CD34: variants seen among roughly 807,000 people sequenced by gnomAD.
CD34 encodes CD34 molecule.
A neutral mutation model predicts 40.1 loss-of-function variants in CD34; 34 were observed. The observed-to-expected ratio is 0.85, with a 90% confidence interval of 0.65 to 1.13. The LOEUF (loss-of-function observed/expected upper bound fraction) is 1.13. Ranked by LOEUF, CD34 falls within the 50% of genes most tolerant of loss-of-function variation. CD34 has a pLI of 0.00. For missense variants in CD34, 426 were observed against 466.9 expected, an observed-to-expected ratio of 0.91 and a Z score of 0.81; for synonymous variants, 209 against 190.0, an observed-to-expected ratio of 1.10 and a Z score of -0.82.
Position 207,911,100 on chromosome 1 carries a change from G to C in CD34, c.-20C>G, listed in dbSNP as rs557658156. The C allele has an allele frequency of 1.3e-4, 199 of 1,561,910 alleles. No homozygotes were observed. In the African/African-American group the frequency reaches 2.5e-3, roughly 20 times the overall value. On this transcript the variant is annotated 5_prime_UTR_variant, in exon 1 of 8. Transcript: ENST00000310833. The stretch of plus-strand genomic sequence containing the variant: ...CAGCATCCTTCCCGCGCGGCTCCTA[G>C]AGAGACGCACCGAGTGGAAGACACT...
Position 207,887,498 on chromosome 1 carries a change from C to A in CD34, c.*240G>T. ...GAGCTTCTCCAGACCTTGGCTTTCC[C>A]CCGTCACACGTTTACCCAAAGAAGA... On this transcript the variant is annotated 3_prime_UTR_variant, in exon 8 of 8. Transcript: ENST00000310833. 1 of 541,974 alleles carries A rather than the reference C, an allele frequency of 1.8e-6. No individual in the cohort carries two copies. Among genetic ancestry groups the A allele is most frequent in the Non-Finnish European group, 3.2e-6 (1 of 309,806 alleles). The allele number at this position is 541,974 out of a possible 1,614,324, so 33.6% of individuals were successfully genotyped here. A position where few individuals can be genotyped will look rare whatever the true frequency, so the allele number is the denominator to read the frequency against.
rs1373764297 is a variant in CD34 at position 207,884,887 on chromosome 1, T to C, written c.*2851A>G. 1 of 151,990 alleles carries C rather than the reference T, an allele frequency of 6.6e-6. No individual in the cohort carries two copies. The highest frequency in any genetic ancestry group is 1.5e-5 in the Non-Finnish European group (1 of 68,012). 9.4% of individuals were successfully genotyped at this position (151,990 alleles called of 1,614,324 possible). ...TTGATGAAATGCTCCAGAAGTGAAG[T>C]CCCAAACCTATCTTCACACTGCCAC... On this transcript the variant is annotated 3_prime_UTR_variant, in exon 8 of 8. Transcript: ENST00000310833.
Position 207,888,545 on chromosome 1 carries a change from T to C in CD34, c.972+137A>G, listed in dbSNP as rs201272031. 2.8e-5 allele frequency: 24 copies of C among 845,460 alleles called. No individual in the cohort carries two copies. In the East Asian group the frequency reaches 5.3e-4, roughly 19 times the overall value. 52.4% of individuals were successfully genotyped at this position (845,460 alleles called of 1,614,324 possible). A position where few individuals can be genotyped will look rare whatever the true frequency, so the allele number is the denominator to read the frequency against. On this transcript the variant is annotated intron_variant, in intron 7 of 7. Coordinates refer to ENST00000310833, the MANE Select transcript of CD34 (RefSeq NM_001025109.2). ...TGAATCTTCCACCGATTACTGTGTG[T>C]GCACACATGCATATCTTTATGTAAG...
At chr1:207,897,405 G>T in intron 4 of CD34, 88 bp downstream of exon 4, 1 of 967,576 alleles carries the variant, frequency 1.0e-6, no homozygotes, top group Non-Finnish European at 1.6e-6. Flanking sequence ...CAAATCCAGT[G>T]CAATCCAAGA....
At chr1:207,889,117 T>G (rs763216043) in intron 6 of CD34, 44 bp downstream of exon 6, 2 of 1,212,738 alleles carry the variant, frequency 1.6e-6, no homozygotes, top group Non-Finnish European at 2.5e-6. Context: ...GGAGCCCCCC[T>G]GCCCCGGCAT....
chr1:207,895,010 C>A (rs1474445307), intron 4 of CD34, among the ~76,000 whole-genome samples: 1 of 152,186 alleles, frequency 6.6e-6, no homozygotes, highest in Non-Finnish European at 1.5e-5. Context: ...TACCAACATA[C>A]ATCAAGGATG....
chr1:207,889,722 G>GC (rs1260692119), intron 4 of CD34, 101 bp from the exon 5 acceptor site: 1 of 1,594,060 alleles, frequency 6.3e-7, no homozygotes, highest in African/African-American at 1.4e-5. Context: ...TACCCCGTCC[G>GC]CAAGAAGGAT....
chr1:207,899,465 A>G (rs1341009944), intron 2 of CD34, among the ~76,000 whole-genome samples: 1 of 152,206 alleles, frequency 6.6e-6, no homozygotes, highest in Non-Finnish European at 1.5e-5. Flanking sequence ...TAGAGAAGCC[A>G]AAGACCCCCA....
chr1:207,888,169 G>A (rs759880877), intron 7 of CD34: 54 of 1,603,094 alleles, frequency 3.4e-5, no homozygotes, highest in Middle Eastern at 1.6e-4. Flanking sequence ...ACCGCAGCTC[G>A]GCAGCCAGCT....
intron 1 of CD34, among the ~76,000 whole-genome samples, chr1:207,901,853 C>G (rs1036355729): frequency 4.6e-5 from 7 of 152,108 alleles, no homozygotes; most frequent in Admixed American, 6.5e-5. Flanking sequence ...CAAGGAAGAG[C>G]CTCTGAGGGT....
intron 6 of CD34, 67 bp from the exon 7 acceptor site, chr1:207,888,913 C>T (rs567392694): frequency 2.0e-6 from 3 of 1,514,652 alleles, no homozygotes; most frequent in African/African-American, 1.4e-5. Context: ...CCGCTCCAGC[C>T]CTCTGTGTGT....
intron 4 of CD34, chr1:207,890,277 ACT>A (rs964794494): frequency 5.1e-5 from 50 of 988,396 alleles, no homozygotes; most frequent in Non-Finnish European, 5.6e-5. Context: ...CAGAAGAAAA[ACT>A]CTGATAATTC....
intron 4 of CD34, among the ~76,000 whole-genome samples, chr1:207,894,254 A>G (rs115180788): frequency 0.011 from 1,602 of 152,324 alleles, 22 homozygotes; most frequent in African/African-American, 0.034. Context: ...GTGCTACAAC[A>G]TGGTTGGACT....
rs1476669491 is a variant in CD34 at position 207,885,536 on chromosome 1, C to G, written c.*2202G>C. 6.6e-6 allele frequency: 1 copy of G among 152,062 alleles called. No homozygotes were observed. The highest frequency in any genetic ancestry group is 1.5e-5 in the Non-Finnish European group (1 of 68,056). 9.4% of individuals were successfully genotyped at this position (152,062 alleles called of 1,614,324 possible). A position where few individuals can be genotyped will look rare whatever the true frequency, so the allele number is the denominator to read the frequency against. ...CTAGGAATCTGAACCCTGAACCCAC[C>G]CCTCCTACTTGATGTCCTAGCTGGG... On this transcript the variant is annotated 3_prime_UTR_variant, in exon 8 of 8. Transcript: ENST00000310833.
rs779002641 is a variant in CD34 at position 207,899,134 on chromosome 1, T to G, written c.355A>C (p.Thr119Pro). ...ACGTTGGCTGGGGTGGTGAACACTG[T>G]GCTGATTACAGAGGTCTGTGACTGG... ...SVQSQTSVIS[T>P]VFTTPANVST... Residue 119 changes from threonine (T) to proline (P), a missense_variant, in exon 3 of 8, where the codon ACA becomes CCA. Coordinates refer to ENST00000310833, the MANE Select transcript of CD34 (RefSeq NM_001025109.2). The G allele has an allele frequency of 2.5e-6, 4 of 1,614,212 alleles. No homozygotes were observed. The South Asian group carries it at 4.4e-5, about 18-fold the overall frequency.
At chr1:207,891,380 C>A (rs370497028) in intron 4 of CD34, among the ~76,000 whole-genome samples, 2 of 152,236 alleles carry the variant, frequency 1.3e-5, no homozygotes, top group South Asian at 2.1e-4. Context: ...GCATGTACGG[C>A]AATTAAAATG....
At chr1:207,896,432 T>C (rs1662150638) in intron 4 of CD34, among the ~76,000 whole-genome samples, 1 of 152,222 alleles carries the variant, frequency 6.6e-6, no homozygotes, top group African/African-American at 2.4e-5. Flanking sequence ...TATATTGTAG[T>C]AGATAACAAG....
intron 1 of CD34, among the ~76,000 whole-genome samples, chr1:207,906,728 C>T (rs1662390484): frequency 6.6e-6 from 1 of 152,086 alleles, no homozygotes; most frequent in Non-Finnish European, 1.5e-5. Context: ...CCTGTAATCC[C>T]AGCTACTTAG....
At chr1:207,907,765 T>C (rs1042339898) in intron 1 of CD34, among the ~76,000 whole-genome samples, 1 of 152,322 alleles carries the variant, frequency 6.6e-6, no homozygotes, top group Middle Eastern at 3.4e-3. Flanking sequence ...CTAAAAGTCA[T>C]AGATAATATG....
Sources: gnomAD v4.1 joint callset for allele counts (sites outside exome capture counted in the v4.1 genomes callset) on GRCh38, gnomAD v4.1.1 for gene constraint, MANE v1.5 for transcripts, NCBI Gene and HGNC (gene_info 2026-07-23, HGNC 2026-07-21) for gene names.